Variants in RABGAP1L observed in about 807,000 individuals in gnomAD.
RABGAP1L encodes the protein rab GTPase-activating protein 1-like.
A neutral mutation model predicts 137.7 loss-of-function variants in RABGAP1L; 63 were observed. The ratio of observed to expected loss-of-function variants is 0.46; its 90% CI spans 0.37 to 0.56. The LOEUF is 0.56. Among genes scored for constraint, RABGAP1L ranks in the 20% least tolerant of loss-of-function variants. The pLI is 0.00. For synonymous variants in RABGAP1L, 431 were observed against 433.7 expected (o/e 0.99, Z 0.08); for missense variants, 1,095 against 1,244.0 (o/e 0.88, Z 1.80).
intron 11 of RABGAP1L, among the ~76,000 whole-genome samples, chr1:174,314,286 T>C (rs970740209): frequency 6.6e-6 from 1 of 152,194 alleles, no homozygotes; most frequent in African/African-American, 2.4e-5. Context: ...GATTTTCCAA[T>C]TCATTGGCAT....
intron 13 of RABGAP1L, among the ~76,000 whole-genome samples, chr1:174,455,602 T>G (rs1463694152): frequency 6.6e-6 from 1 of 152,162 alleles, no homozygotes; most frequent in Non-Finnish European, 1.5e-5. Flanking sequence ...AGATGTTTAC[T>G]TATGTTCTTA....
chr1:174,690,375 C>T (rs972637748), intron 15 of RABGAP1L, among the ~76,000 whole-genome samples: 7 of 152,084 alleles, frequency 4.6e-5, no homozygotes, highest in African/African-American at 1.7e-4. Context: ...CCAGGCTTTA[C>T]TTAATAGACC....
chr1:174,768,039 C>T (rs1685822039), intron 18 of RABGAP1L, among the ~76,000 whole-genome samples: 1 of 152,214 alleles, frequency 6.6e-6, no homozygotes, highest in African/African-American at 2.4e-5. Flanking sequence ...CCTCCCACAA[C>T]ACATGGGAAT....
At chr1:174,650,782 C>G (rs1459733780) in intron 14 of RABGAP1L, among the ~76,000 whole-genome samples, 4 of 148,748 alleles carry the variant, frequency 2.7e-5, no homozygotes, top group African/African-American at 1.0e-4. Flanking sequence ...TTTCAAAAAA[C>G]CAGCTCCTGG....
chr1:174,178,533 G>C (rs1162481823), intron 1 of RABGAP1L, among the ~76,000 whole-genome samples: 2 of 152,156 alleles, frequency 1.3e-5, no homozygotes, highest in South Asian at 4.1e-4. Flanking sequence ...AGATGCACAC[G>C]TATGTTTATT....
chr1:174,564,329 C>G (rs1219216672), intron 13 of RABGAP1L, among the ~76,000 whole-genome samples: 1 of 152,096 alleles, frequency 6.6e-6, no homozygotes, highest in East Asian at 1.9e-4. Context: ...GATTGATCAG[C>G]TTGCAACTAA....
At chr1:174,483,835 C>A (rs1251182393) in intron 13 of RABGAP1L, among the ~76,000 whole-genome samples, 1 of 149,166 alleles carries the variant, frequency 6.7e-6, no homozygotes, top group Non-Finnish European at 1.5e-5. Context: ...AAAAAAAAAT[C>A]TTGGTTATTG....
intron 13 of RABGAP1L, among the ~76,000 whole-genome samples, chr1:174,620,502 A>G (rs568644772): frequency 6.6e-6 from 1 of 152,214 alleles, no homozygotes; most frequent in South Asian, 2.1e-4. Context: ...ACTCAACTAC[A>G]TGGAAACTGA....
chr1:174,671,120 T>C (rs1677145874), intron 14 of RABGAP1L, among the ~76,000 whole-genome samples: 1 of 152,202 alleles, frequency 6.6e-6, no homozygotes, highest in Non-Finnish European at 1.5e-5. Flanking sequence ...ATGATTCTTT[T>C]TTCAAATAGT....
intron 10 of RABGAP1L, among the ~76,000 whole-genome samples, chr1:174,304,697 C>CT (rs942227668): frequency 3.9e-5 from 6 of 152,170 alleles, no homozygotes; most frequent in Admixed American, 3.3e-4. Context: ...TCTGTCTGTC[C>CT]TAGAACCTCT....
intron 17 of RABGAP1L, 56 bp downstream of exon 17, chr1:174,702,312 A>G: frequency 6.9e-7 from 1 of 1,444,530 alleles, no homozygotes; most frequent in Non-Finnish European, 9.3e-7. Context: ...TCTACTAAAA[A>G]TGGTTACAGT....
intron 1 of RABGAP1L, among the ~76,000 whole-genome samples, chr1:174,175,818 T>A (rs1264535983): frequency 6.6e-6 from 1 of 151,980 alleles, no homozygotes; most frequent in Non-Finnish European, 1.5e-5. Flanking sequence ...AGAAATGGAG[T>A]TTCACCATGT....
At chr1:174,863,397 G>A (rs1022085373) in intron 19 of RABGAP1L, among the ~76,000 whole-genome samples, 1 of 151,938 alleles carries the variant, frequency 6.6e-6, no homozygotes, top group Admixed American at 6.6e-5. Context: ...TTCTGGGCCG[G>A]GCGCAGTGGC....
chr1:174,566,499 AT>A (rs1290595894), intron 13 of RABGAP1L, among the ~76,000 whole-genome samples: 1 of 152,076 alleles, frequency 6.6e-6, no homozygotes, highest in Non-Finnish European at 1.5e-5. Flanking sequence ...GCAACTTATG[AT>A]TCCCTGTTAG....
At chr1:174,357,457 A>C (rs1219756654) in intron 11 of RABGAP1L, among the ~76,000 whole-genome samples, 1 of 152,250 alleles carries the variant, frequency 6.6e-6, no homozygotes, top group Admixed American at 6.5e-5. Context: ...ATGTACTAGA[A>C]GCTACTATAT....
At chr1:174,962,759 C>G (rs1266518372) in intron 20 of RABGAP1L, among the ~76,000 whole-genome samples, 1 of 151,976 alleles carries the variant, frequency 6.6e-6, no homozygotes, top group East Asian at 1.9e-4. Context: ...ACTGTTGGAC[C>G]CTTTCTTACT....
At chr1:174,477,680 A>G (rs2149322574) in intron 13 of RABGAP1L, among the ~76,000 whole-genome samples, 1 of 152,336 alleles carries the variant, frequency 6.6e-6, no homozygotes, top group East Asian at 1.9e-4. Context: ...ATGTAATCAG[A>G]CAACATTGTA....
At chr1:174,812,487 T>C (rs925681807) in intron 19 of RABGAP1L, among the ~76,000 whole-genome samples, 6 of 152,180 alleles carry the variant, frequency 3.9e-5, no homozygotes, top group Non-Finnish European at 8.8e-5. Flanking sequence ...TTCCAGAAAG[T>C]TGTAGTATTA....
intron 15 of RABGAP1L, among the ~76,000 whole-genome samples, chr1:174,687,747 C>G (rs1227882347): frequency 6.6e-6 from 1 of 152,186 alleles, no homozygotes; most frequent in African/African-American, 2.4e-5. Flanking sequence ...TTTGGAAGCT[C>G]CATATTAATC....
Sources: allele counts gnomAD v4.1 joint callset (sites outside exome capture counted in the v4.1 genomes callset), GRCh38; gene constraint gnomAD v4.1.1; transcripts MANE v1.5; gene names NCBI Gene and HGNC (gene_info 2026-07-23, HGNC 2026-07-21).